TSPEAR: variants seen among roughly 807,000 people sequenced by gnomAD.
TSPEAR encodes thrombospondin-type laminin G domain and EAR repeat-containing protein.
Under a neutral mutation model 71.6 loss-of-function variants are expected in TSPEAR, and 69 were observed. That is an observed-to-expected ratio of 0.96 (90% CI 0.79 to 1.18). TSPEAR has a LOEUF of 1.18. Ranked by LOEUF, TSPEAR falls within the 50% of genes most tolerant of loss-of-function variation. The probability of loss-of-function intolerance (pLI) is 0.00; values close to 1 mark genes in which losing one functional copy is unlikely to be tolerated. For missense variants in TSPEAR, 971 were observed against 894.9 expected, an observed-to-expected ratio of 1.09 and a Z score of -1.09; for synonymous variants, 402 against 387.2, an observed-to-expected ratio of 1.04 and a Z score of -0.45.
At chr21:44,653,357 A>C (rs782074132) in intron 1 of TSPEAR, among the ~76,000 whole-genome samples, 1 of 152,058 alleles carries the variant, frequency 6.6e-6, no homozygotes, top group Non-Finnish European at 1.5e-5. Context: ...CCTGCATATG[A>C]ACTGTGAGCT....
At chr21:44,706,565 C>T (rs1187274917) in intron 1 of TSPEAR, among the ~76,000 whole-genome samples, 18 of 152,232 alleles carry the variant, frequency 1.2e-4, no homozygotes, top group African/African-American at 3.1e-4. Flanking sequence ...ACGCAGCACT[C>T]GCTAAACGCT....
chr21:44,503,713 C>T (rs1246342307), intron 11 of TSPEAR, among the ~76,000 whole-genome samples: 1 of 128,408 alleles, frequency 7.8e-6, no homozygotes, highest in East Asian at 2.4e-4. Flanking sequence ...CCTCGGTGAG[C>T]CCTCGGCGGG....
chr21:44,678,292 T>G (rs150019941), intron 1 of TSPEAR, among the ~76,000 whole-genome samples: 254 of 152,124 alleles, frequency 1.7e-3, no homozygotes, highest in African/African-American at 5.9e-3. Flanking sequence ...TGAGGGCCAT[T>G]TCTCATGAAT....
intron 1 of TSPEAR, among the ~76,000 whole-genome samples, chr21:44,708,918 A>T (rs1555953033): frequency 6.6e-6 from 1 of 152,198 alleles, no homozygotes; most frequent in Non-Finnish European, 1.5e-5. Flanking sequence ...GAGCAAACGT[A>T]GGGGGAAGGG....
chr21:44,688,926 G>C (rs1444841636), intron 1 of TSPEAR, among the ~76,000 whole-genome samples: 3 of 152,108 alleles, frequency 2.0e-5, no homozygotes, highest in Admixed American at 6.5e-5. Context: ...ACCAGGCACA[G>C]TTCTCTCATG....
At chr21:44,542,993 A>G (rs782802247) in intron 2 of TSPEAR, among the ~76,000 whole-genome samples, 3 of 152,182 alleles carry the variant, frequency 2.0e-5, no homozygotes, top group Non-Finnish European at 2.9e-5. Context: ...GGAATGATAT[A>G]TTTACTGTCT....
intron 2 of TSPEAR, among the ~76,000 whole-genome samples, chr21:44,555,726 G>A (rs1555919688): frequency 6.6e-6 from 1 of 152,054 alleles, no homozygotes; most frequent in African/African-American, 2.4e-5. Flanking sequence ...ATGGGGCTCA[G>A]GGCAAGGCAG....
In TSPEAR at chr21:44,539,593, G is replaced by A. The variant is rs587689766; in HGVS notation, c.304-5670C>T. On this transcript the variant is annotated intron_variant, in intron 2 of 11. Coordinates refer to ENST00000323084, the MANE Select transcript of TSPEAR (RefSeq NM_144991.3). ...TGCAGCAGACAGGCTTGCAACGGACGGGCACGCAGCAGGCCTGCTGGCAGG... is the reference window on the plus strand; with the variant it reads ...TGCAGCAGACAGGCTTGCAACGGACAGGCACGCAGCAGGCCTGCTGGCAGG... 195 of 1,613,464 alleles carry A rather than the reference G, an allele frequency of 1.2e-4. No individual in the cohort carries two copies. In the African/African-American group the frequency reaches 1.3e-3, roughly 11 times the overall value.
At chr21:44,560,150 C>T (rs936278695) in intron 2 of TSPEAR, among the ~76,000 whole-genome samples, 1 of 152,064 alleles carries the variant, frequency 6.6e-6, no homozygotes, top group African/African-American at 2.4e-5. Context: ...ATGTACCAAG[C>T]AAATGGAAAG....
chr21:44,640,189 AAC>A lies in TSPEAR; in HGVS notation c.82+71242_82+71243del, dbSNP rs1555938249. Among the ~76,000 whole-genome samples, 2 of 152,208 alleles carry A rather than the reference AAC, an allele frequency of 1.3e-5. 1 individual carries two copies. The highest frequency in any genetic ancestry group is 4.8e-5 in the African/African-American group (2 of 41,450). ...AAACACAGCCTATCCACACAAGCAA[AAC>A]ACAGCCCATCCCCATGGGAATATTA... On this transcript the variant is annotated intron_variant, in intron 1 of 11. Transcript: ENST00000323084.
intron 1 of TSPEAR, among the ~76,000 whole-genome samples, chr21:44,597,437 C>CTTTTTTTTTTTT (rs56129761): frequency 1.7e-5 from 2 of 119,216 alleles, no homozygotes; most frequent in African/African-American, 3.4e-5. Context: ...TCTTTCTTTT[C>CTTTTTTTTTTTT]TTTTTTTTTT....
rs2053584525 is a variant in TSPEAR, at chr21:44,558,613, T to G, written c.303+9172A>C. 4 of 1,610,598 alleles carry G rather than the reference T, an allele frequency of 2.5e-6. No individual in the cohort carries two copies. The East Asian group carries it at 8.9e-5, about 36-fold the overall frequency. On this transcript the variant is annotated intron_variant, in intron 2 of 11. Transcript: ENST00000323084. ...AGGCAGGGGGCCGGGGCGCAGCAGC[T>G]GGTGGCGCAGCAGGGGGGCTCACAG...
At chr21:44,665,929 G>A (rs1436775346) in intron 1 of TSPEAR, among the ~76,000 whole-genome samples, 2 of 152,214 alleles carry the variant, frequency 1.3e-5, no homozygotes, top group African/African-American at 4.8e-5. Flanking sequence ...CCTGGAGCAG[G>A]AGTGGACAGC....
At chr21:44,566,794 G>A (rs73233050) in intron 2 of TSPEAR, among the ~76,000 whole-genome samples, 3,437 of 152,092 alleles carry the variant, frequency 0.023, 64 homozygotes, top group Non-Finnish European at 0.036. Flanking sequence ...ATGGTGTGGG[G>A]GCAACTGAAT....
intron 2 of TSPEAR, among the ~76,000 whole-genome samples, chr21:44,556,152 C>T (rs868945990): frequency 4.0e-5 from 6 of 151,798 alleles, no homozygotes; most frequent in African/African-American, 1.2e-4. Context: ...CCAAGGCAGG[C>T]AGATCGCGAT....
chr21:44,706,656 C>T (rs1987941486), intron 1 of TSPEAR, among the ~76,000 whole-genome samples: 1 of 152,238 alleles, frequency 6.6e-6, no homozygotes, highest in Admixed American at 6.5e-5. Flanking sequence ...GGGGATCGAG[C>T]AGCTCCGGGC....
At chr21:44,684,127 A>G (rs540799771) in intron 1 of TSPEAR, among the ~76,000 whole-genome samples, 7 of 152,338 alleles carry the variant, frequency 4.6e-5, no homozygotes, top group African/African-American at 1.4e-4. Context: ...GAACAAGGAT[A>G]AGAAAAACGC....
At chr21:44,640,362 A>G (rs1346554985) in intron 1 of TSPEAR, among the ~76,000 whole-genome samples, 4 of 152,244 alleles carry the variant, frequency 2.6e-5, no homozygotes, top group African/African-American at 9.6e-5. Context: ...GAAAGGAAGT[A>G]GATGAGTGTG....
chr21:44,627,300 G>A, intron 1 of TSPEAR: 1 of 1,612,718 alleles, frequency 6.2e-7, no homozygotes, highest in African/African-American at 1.3e-5. Context: ...CCCCCTGCCT[G>A]ACCCTGGTCT....
Sources: gnomAD v4.1 joint callset for allele counts (sites outside exome capture counted in the v4.1 genomes callset) on GRCh38, gnomAD v4.1.1 for gene constraint, MANE v1.5 for transcripts, NCBI Gene and HGNC (gene_info 2026-07-23, HGNC 2026-07-21) for gene names.